Variants in NUMB observed in about 807,000 individuals in gnomAD.
The protein encoded by NUMB is protein numb homolog.
NUMB carries 29 observed loss-of-function variants against 59.7 expected under a neutral mutation model. That is an observed-to-expected ratio of 0.49 (90% CI 0.36 to 0.66). NUMB has a LOEUF of 0.66. NUMB is among the 30% of genes least tolerant of loss of function. The pLI is 0.00. For synonymous variants in NUMB, 288 were observed against 288.2 expected, an observed-to-expected ratio of 1.00 and a Z score of 0.01; for missense variants, 723 against 822.0, an observed-to-expected ratio of 0.88 and a Z score of 1.47.
chr14:73,394,113 GC>G (rs1895996899), intron 2 of NUMB, among the ~76,000 whole-genome samples: 1 of 152,066 alleles, frequency 6.6e-6, no homozygotes. Flanking sequence ...TTATGGGCAT[GC>G]CCCTTTAATT....
chr14:73,457,757 G>GT (rs1347729687), intron 1 of NUMB: 1 of 152,470 alleles, frequency 6.6e-6, no homozygotes, highest in African/African-American at 2.4e-5. Context: ...GGGAGCTCCG[G>GT]TTCTTCCCCC....
At chr14:73,452,578 G>T (rs1205709403) in intron 1 of NUMB, among the ~76,000 whole-genome samples, 1 of 152,148 alleles carries the variant, frequency 6.6e-6, no homozygotes, top group East Asian at 1.9e-4. Context: ...GGTTTTCGTG[G>T]GTAGAGAGGG....
intron 8 of NUMB, among the ~76,000 whole-genome samples, chr14:73,288,728 G>A (rs1317550016): frequency 2.0e-5 from 3 of 151,734 alleles, no homozygotes; most frequent in South Asian, 4.2e-4. Flanking sequence ...GCATGATGGC[G>A]CATGCCTGTA....
chr14:73,421,291 T>C (rs1897336379), intron 1 of NUMB, among the ~76,000 whole-genome samples: 1 of 152,022 alleles, frequency 6.6e-6, no homozygotes, highest in African/African-American at 2.4e-5. Flanking sequence ...CTCAAGCGAT[T>C]CTCCTGCCTC....
Position 73,287,326 on chromosome 14 carries a change from G to T in NUMB, c.451-12C>A. On this transcript the variant is annotated splice_polypyrimidine_tract_variant and intron_variant, in intron 8 of 12. Coordinates refer to ENST00000555238, the MANE Select transcript of NUMB (RefSeq NM_001005743.2). ...CTCAACCTTTCACCCTGTAAGAGCA[G>T]ATTTTAAAAGCTTTTCAGAATTACA... 1 of 1,597,050 alleles carries T rather than the reference G, an allele frequency of 6.3e-7. No homozygotes were observed. The highest frequency in any genetic ancestry group is 8.6e-7 in the Non-Finnish European group (1 of 1,169,346).
chr14:73,431,460 T>C (rs1897826367), intron 1 of NUMB, among the ~76,000 whole-genome samples: 1 of 150,404 alleles, frequency 6.6e-6, no homozygotes, highest in African/African-American at 2.4e-5. Context: ...TTTGCCACAT[T>C]GGCCATGTTG....
Position 73,279,295 on chromosome 14 carries a change from GC to G in NUMB, c.1225del (p.Ala409GlnfsTer36). The G allele has an allele frequency of 6.2e-7, 1 of 1,614,126 alleles. No homozygotes were observed. Among genetic ancestry groups the G allele is most frequent in the Non-Finnish European group, 8.5e-7 (1 of 1,179,976 alleles). On this transcript the variant is annotated frameshift_variant, in exon 12 of 13. Transcript: ENST00000555238. LOFTEE classifies it high-confidence loss of function. ...GGCCACCTTACCCGAACATGTGGCTGCAATTTCCTTGTTAGCAGCATCAGGG... is the reference window on the plus strand; with the variant it reads ...GGCCACCTTACCCGAACATGTGGCTGAATTTCCTTGTTAGCAGCATCAGGG... The part of the protein sequence containing the change: ...HAPDAANKEI[A>X]ATCSGTEWGQ...
At chr14:73,290,140 T>C (rs551443723) in intron 8 of NUMB, among the ~76,000 whole-genome samples, 49 of 152,336 alleles carry the variant, frequency 3.2e-4, no homozygotes, top group Non-Finnish European at 5.0e-4. Flanking sequence ...TTTTAAGTTA[T>C]TATCTGGAAA....
intron 2 of NUMB, among the ~76,000 whole-genome samples, chr14:73,380,626 C>T (rs888406925): frequency 6.6e-6 from 1 of 151,874 alleles, no homozygotes; most frequent in African/African-American, 2.4e-5. Flanking sequence ...ATGCCATGAT[C>T]CCATAGATCT....
intron 4 of NUMB, among the ~76,000 whole-genome samples, chr14:73,344,945 T>C (rs987714207): frequency 6.6e-6 from 1 of 152,236 alleles, no homozygotes; most frequent in Non-Finnish European, 1.5e-5. Context: ...TCTTAGTATA[T>C]TACTTTAATT....
At chr14:73,322,572 T>C (rs1891461753) in intron 5 of NUMB, among the ~76,000 whole-genome samples, 1 of 152,146 alleles carries the variant, frequency 6.6e-6, no homozygotes, top group Admixed American at 6.6e-5. Context: ...TATCCTCTAG[T>C]TTTCCCCAGG....
intron 6 of NUMB, among the ~76,000 whole-genome samples, chr14:73,303,604 CA>C (rs572754359): frequency 2.7e-5 from 4 of 146,168 alleles, no homozygotes; most frequent in Non-Finnish European, 6.1e-5. Context: ...CAAAACAAAA[CA>C]AAAAAAAAAC....
At chr14:73,309,751 AATAAT>A (rs1264528398) in intron 6 of NUMB, among the ~76,000 whole-genome samples, 59 of 142,618 alleles carry the variant, frequency 4.1e-4, no homozygotes, top group African/African-American at 1.6e-3. Flanking sequence ...TAATAATAAT[AATAAT>A]AAAAATAGGA....
intron 4 of NUMB, among the ~76,000 whole-genome samples, chr14:73,334,154 C>T (rs1413738793): frequency 6.6e-6 from 1 of 151,990 alleles, no homozygotes; most frequent in Non-Finnish European, 1.5e-5. Context: ...CAGGTTCAGG[C>T]GATTCTCCTG....
chr14:73,381,153 C>G (rs1282250543), intron 2 of NUMB, among the ~76,000 whole-genome samples: 1 of 152,166 alleles, frequency 6.6e-6, no homozygotes, highest in East Asian at 1.9e-4. Context: ...AATACTTAAA[C>G]TCAGGTTTGT....
chr14:73,433,137 G>A (rs141706556), intron 1 of NUMB, among the ~76,000 whole-genome samples: 304 of 151,610 alleles, frequency 2.0e-3, no homozygotes, highest in African/African-American at 6.8e-3. Flanking sequence ...AACCTGGGAG[G>A]CAGAGGTTGC....
intron 2 of NUMB, among the ~76,000 whole-genome samples, chr14:73,395,820 CTT>C (rs951625521): frequency 6.6e-6 from 1 of 151,902 alleles, no homozygotes; most frequent in African/African-American, 2.4e-5. Context: ...CAACTGTCCT[CTT>C]TGAAAAAATG....
intron 6 of NUMB, 129 bp downstream of exon 6, chr14:73,316,261 C>T: frequency 1.4e-6 from 1 of 728,208 alleles, no homozygotes. Flanking sequence ...TCATTAATTT[C>T]CATATACAAT....
At chr14:73,292,969 C>A in intron 7 of NUMB, 95 bp from the exon 8 acceptor site, 1 of 1,218,580 alleles carries the variant, frequency 8.2e-7, no homozygotes. Flanking sequence ...ACAATCCATA[C>A]ATCTGATACA....
Sources: allele counts gnomAD v4.1 joint callset (sites outside exome capture counted in the v4.1 genomes callset), GRCh38; gene constraint gnomAD v4.1.1; transcripts MANE v1.5; gene names NCBI Gene and HGNC (gene_info 2026-07-23, HGNC 2026-07-21).